PDE3B: variants seen among roughly 807,000 people sequenced by gnomAD.
PDE3B encodes cGMP-inhibited 3',5'-cyclic phosphodiesterase 3B.
PDE3B carries 66 observed loss-of-function variants against 116.8 expected under a neutral mutation model. The ratio of observed to expected loss-of-function variants is 0.56; its 90% CI spans 0.46 to 0.69. The LOEUF (loss-of-function observed/expected upper bound fraction) is 0.69. Among genes scored for constraint, PDE3B ranks in the 30% least tolerant of loss-of-function variants. PDE3B has a pLI of 0.00. For synonymous variants in PDE3B, 595 were observed against 533.6 expected (o/e 1.12, Z -1.59); for missense variants, 1,384 against 1,368.1 (o/e 1.01, Z -0.18).
chr11:14,779,825 C>A (rs750982960), intron 2 of PDE3B, among the ~76,000 whole-genome samples: 1 of 152,048 alleles, frequency 6.6e-6, no homozygotes, highest in Non-Finnish European at 1.5e-5. Flanking sequence ...ACAATATTAA[C>A]CTTAAATGTA....
chr11:14,778,923 GA>G (rs1857879799), intron 2 of PDE3B, among the ~76,000 whole-genome samples: 1 of 152,042 alleles, frequency 6.6e-6, no homozygotes, highest in African/African-American at 2.4e-5. Flanking sequence ...CAAAAACCTT[GA>G]AAAAAGATTA....
chr11:14,740,943 T>C (rs1185739264), intron 1 of PDE3B, among the ~76,000 whole-genome samples: 1 of 152,226 alleles, frequency 6.6e-6, no homozygotes, highest in Non-Finnish European at 1.5e-5. Context: ...AGTTCTAATT[T>C]GATTGCACTG....
chr11:14,851,843 A>T (rs572749262), intron 12 of PDE3B, among the ~76,000 whole-genome samples: 1 of 152,296 alleles, frequency 6.6e-6, no homozygotes, highest in South Asian at 2.1e-4. Context: ...GGACGAGATT[A>T]AAAGTCCTGT....
the PDE3B span, among the ~76,000 whole-genome samples, chr11:14,897,053 C>T: frequency 6.6e-6 from 1 of 152,180 alleles, no homozygotes; most frequent in Non-Finnish European, 1.5e-5. Context: ...ATATCAGTGC[C>T]ACACATCTCA....
intron 3 of PDE3B, among the ~76,000 whole-genome samples, chr11:14,787,648 T>C (rs1024984087): frequency 1.3e-5 from 2 of 151,948 alleles, no homozygotes; most frequent in African/African-American, 4.8e-5. Flanking sequence ...TGTGATACTT[T>C]TATTTTTTTA....
the PDE3B span, chr11:14,892,164 G>A: frequency 1.9e-6 from 3 of 1,610,650 alleles, no homozygotes; most frequent in South Asian, 2.2e-5. Flanking sequence ...GCGCGCCGCC[G>A]AGCGCCGCCG....
chr11:14,845,449 A>G lies in PDE3B; in HGVS notation c.2520+1423A>G, dbSNP rs563850390. ...CAGAACGCCTCTCCTCCTCCAAAGG[A>G]ACTCAGCTCCTCACCAGCAATGGAA... On this transcript the variant is annotated intron_variant, in intron 12 of 15. Transcript: ENST00000282096. Among the ~76,000 whole-genome samples, 400 of 152,362 alleles carry G rather than the reference A, an allele frequency of 2.6e-3. 1 individual carries two copies. The highest frequency in any genetic ancestry group is 4.1e-3 in the Non-Finnish European group (282 of 68,038).
chr11:14,796,474 T>C (rs117290792), intron 4 of PDE3B, among the ~76,000 whole-genome samples: 3,451 of 152,274 alleles, frequency 0.023, 62 homozygotes, highest in Non-Finnish European at 0.038. Flanking sequence ...TGAACTAATT[T>C]ACACTCACCA....
chr11:14,681,180 A>G (rs1397454797), intron 1 of PDE3B, among the ~76,000 whole-genome samples: 1 of 152,196 alleles, frequency 6.6e-6, no homozygotes, highest in African/African-American at 2.4e-5. Context: ...CACACTTTCA[A>G]ATTGTGATAT....
intron 2 of PDE3B, among the ~76,000 whole-genome samples, chr11:14,779,560 T>G (rs942404547): frequency 9.9e-5 from 15 of 151,982 alleles, no homozygotes; most frequent in Admixed American, 1.3e-4. Flanking sequence ...TTCATATCCA[T>G]CCCAACTAAG....
intron 8 of PDE3B, 22 bp from the exon 9 acceptor site, chr11:14,831,615 AGTT>A (rs747321269): frequency 3.5e-6 from 5 of 1,433,018 alleles, no homozygotes; most frequent in Admixed American, 2.4e-5. Flanking sequence ...GATAAAATAA[AGTT>A]GTTGTTTCCC....
At chr11:14,762,410 T>C (rs1857386927) in intron 1 of PDE3B, among the ~76,000 whole-genome samples, 1 of 152,322 alleles carries the variant, frequency 6.6e-6, no homozygotes, top group African/African-American at 2.4e-5. Context: ...CTTTTTAATT[T>C]ATTAAGAAAA....
chr11:14,766,379 C>T (rs1857498552), intron 1 of PDE3B, among the ~76,000 whole-genome samples: 1 of 151,670 alleles, frequency 6.6e-6, no homozygotes, highest in Non-Finnish European at 1.5e-5. Flanking sequence ...TAAGAGATTG[C>T]TCACTGAAGA....
chr11:14,818,444 T>A, intron 6 of PDE3B, 51 bp downstream of exon 6: 1 of 1,246,922 alleles, frequency 8.0e-7, no homozygotes, highest in Non-Finnish European at 1.2e-6. Context: ...TGATTACAGT[T>A]AAGTCCTCAA....
the PDE3B span, chr11:14,879,489 A>G: frequency 1.4e-6 from 2 of 1,431,726 alleles, no homozygotes; most frequent in East Asian, 2.3e-5. Context: ...TCTTAGAATT[A>G]TACCTAAAGT....
At chr11:14,659,331 A>G (rs371180526) in intron 1 of PDE3B, among the ~76,000 whole-genome samples, 17 of 152,214 alleles carry the variant, frequency 1.1e-4, no homozygotes, top group African/African-American at 1.9e-4. Flanking sequence ...AGATGTTTCA[A>G]TGGTTCTCAG....
At chr11:14,653,844 A>C (rs1853632932) in intron 1 of PDE3B, among the ~76,000 whole-genome samples, 1 of 152,072 alleles carries the variant, frequency 6.6e-6, no homozygotes, top group Non-Finnish European at 1.5e-5. Context: ...ACAAGATACA[A>C]AATATTAGCT....
chr11:14,665,221 T>G (rs571035617), intron 1 of PDE3B, among the ~76,000 whole-genome samples: 42 of 152,192 alleles, frequency 2.8e-4, no homozygotes, highest in Non-Finnish European at 5.4e-4. Flanking sequence ...TCAACAACCC[T>G]TCATGCTAAA....
At chr11:14,847,399 G>C (rs370062044) in intron 12 of PDE3B, among the ~76,000 whole-genome samples, 2 of 151,250 alleles carry the variant, frequency 1.3e-5, no homozygotes, top group South Asian at 4.2e-4. Context: ...GAAAGATCCA[G>C]AATTGACACC....
Sources: allele counts gnomAD v4.1 joint callset (sites outside exome capture counted in the v4.1 genomes callset), GRCh38; gene constraint gnomAD v4.1.1; transcripts MANE v1.5; gene names NCBI Gene and HGNC (gene_info 2026-07-23, HGNC 2026-07-21).